AAK1: variants seen among roughly 807,000 people sequenced by gnomAD.
AAK1 encodes AP2 associated kinase 1, also known as AP2-associated protein kinase 1.
In AAK1, 37 loss-of-function variants were observed where a neutral mutation model predicts 116.0. That is an observed-to-expected ratio of 0.32 (90% CI 0.25 to 0.42). AAK1 has a LOEUF of 0.42. AAK1 is among the 10% of genes least tolerant of loss of function. The pLI is 1.00. For synonymous variants in AAK1, 458 were observed against 439.9 expected, an observed-to-expected ratio of 1.04 and a Z score of -0.51; for missense variants, 919 against 1,170.6, an observed-to-expected ratio of 0.79 and a Z score of 3.14.
rs1178719523 is a variant in AAK1 at position 69,474,914 on chromosome 2, A to T, written c.*955T>A. 3 of 985,572 alleles carry T rather than the reference A, an allele frequency of 3.0e-6. No individual in the cohort carries two copies. The African/African-American group carries it at 5.2e-5, about 17-fold the overall frequency. 61.1% of individuals were successfully genotyped at this position (985,572 alleles called of 1,614,324 possible). On this transcript the variant is annotated 3_prime_UTR_variant, in exon 22 of 22. Coordinates refer to ENST00000409085, the MANE Select transcript of AAK1 (RefSeq NM_014911.5). ...CAATTTACAATATTTGATTCAAAAT[A>T]AAAATCACAAGAAAAATACATCTGT...
chr2:69,502,025 TAAA>T (rs1274104203), intron 16 of AAK1, among the ~76,000 whole-genome samples: 1 of 151,734 alleles, frequency 6.6e-6, no homozygotes, highest in Non-Finnish European at 1.5e-5. Context: ...AGGTAAAGAA[TAAA>T]AAAGAAAACA....
In AAK1 at chr2:69,458,984, G is replaced by A. The variant is rs1674277328; in HGVS notation, c.*16885C>T. On this transcript the variant is annotated 3_prime_UTR_variant, in exon 22 of 22. Coordinates refer to ENST00000409085, the MANE Select transcript of AAK1 (RefSeq NM_014911.5). ...TGATTTCAAGAACATTGTCAAAACT[G>A]GGGTACACATCCTTCTATTAGAAAT... The A allele has an allele frequency of 6.6e-6, 1 of 152,168 alleles. No homozygotes were observed. Among genetic ancestry groups the A allele is most frequent in the African/African-American group, 2.4e-5 (1 of 41,418 alleles). 9.4% of individuals were successfully genotyped at this position (152,168 alleles called of 1,614,324 possible).
intron 2 of AAK1, among the ~76,000 whole-genome samples, chr2:69,568,745 G>A (rs1048310744): frequency 6.6e-5 from 10 of 152,124 alleles, no homozygotes; most frequent in Non-Finnish European, 1.3e-4. Flanking sequence ...TCTGAAAGAT[G>A]GGCTCTCATG....
At chr2:69,588,767 G>C (rs1006776758) in intron 2 of AAK1, among the ~76,000 whole-genome samples, 6 of 151,584 alleles carry the variant, frequency 4.0e-5, no homozygotes, top group Non-Finnish European at 7.4e-5. Context: ...GAGTTCCTCT[G>C]CATTATTTAT....
intron 19 of AAK1, among the ~76,000 whole-genome samples, chr2:69,479,706 T>C (rs1245581593): frequency 2.6e-5 from 4 of 152,146 alleles, no homozygotes; most frequent in African/African-American, 9.7e-5. Flanking sequence ...TACATTGAAA[T>C]TGGCCCTTTG....
chr2:69,500,664 A>AATATATATATATATATATAT (rs34635707), intron 16 of AAK1, among the ~76,000 whole-genome samples: 19 of 60,830 alleles, frequency 3.1e-4, no homozygotes, highest in South Asian at 1.2e-3. Context: ...AGTCCCTTAA[A>AATATATATATATATATATAT]ATATATATAT....
intron 2 of AAK1, among the ~76,000 whole-genome samples, chr2:69,587,340 C>CACACACACATATATACACATATGCGTGT (rs1352613070): frequency 1.6e-4 from 24 of 147,444 alleles, no homozygotes; most frequent in Non-Finnish European, 3.0e-4. Context: ...CATATGCGTG[C>CACACACACATATATACACATATGCGTGT]ACACACACAT....
chr2:69,557,304 T>C (rs1030326320), intron 2 of AAK1, among the ~76,000 whole-genome samples: 24 of 146,278 alleles, frequency 1.6e-4, no homozygotes, highest in Non-Finnish European at 3.1e-4. Flanking sequence ...CTATGTACTT[T>C]TTTTTTTTTT....
chr2:69,581,083 G>A (rs1029937439), intron 2 of AAK1, among the ~76,000 whole-genome samples: 28 of 152,006 alleles, frequency 1.8e-4, no homozygotes, highest in African/African-American at 6.5e-4. Flanking sequence ...TCTAGAGCCT[G>A]CTGAGAGGAC....
At chr2:69,498,423 G>A (rs1236381572) in intron 16 of AAK1, among the ~76,000 whole-genome samples, 1 of 151,682 alleles carries the variant, frequency 6.6e-6, no homozygotes, top group Non-Finnish European at 1.5e-5. Context: ...GGGTCTACTG[G>A]GCAGCTGTGA....
chr2:69,539,326 G>C (rs190671993), intron 5 of AAK1, among the ~76,000 whole-genome samples: 1 of 152,314 alleles, frequency 6.6e-6, no homozygotes. Flanking sequence ...CACAGCACTT[G>C]TAATTCCGTC....
chr2:69,474,448 G>A lies in AAK1; in HGVS notation c.*1421C>T. The A allele has an allele frequency of 1.0e-6, 1 of 985,660 alleles. No individual in the cohort carries two copies. The highest frequency in any genetic ancestry group is 1.2e-6 in the Non-Finnish European group (1 of 829,916). 61.1% of individuals were successfully genotyped at this position (985,660 alleles called of 1,614,324 possible). On this transcript the variant is annotated 3_prime_UTR_variant, in exon 22 of 22. Transcript: ENST00000409085. ...ATGAGTAAGTACATATAGAGAGGGT[G>A]ACCATGAGGCATGTTGTCATGTTAG... is the stretch of plus-strand genomic sequence containing the variant.
At position 69,505,635 on chromosome 2, in the gene AAK1, A is replaced by G. The variant is rs1354271783; in HGVS notation, c.2203T>C (p.Leu735=). 5 of 1,613,646 alleles carry G rather than the reference A, an allele frequency of 3.1e-6. No homozygotes were observed. The East Asian group carries it at 1.1e-4, about 36-fold the overall frequency. Reference sequence around the variant, plus strand: ...TGGGTTGATTGAAAGCCTGGGATCAAACTCTCAGCTGAGCCTCCAAGCTTC... The same window carrying G: ...TGGGTTGATTGAAAGCCTGGGATCAGACTCTCAGCTGAGCCTCCAAGCTTC... ...PEKLGGSAES[L]IPGFQSTQGD... Residue 735 remains leucine, a synonymous_variant, in exon 16 of 22, where the codon TTG becomes CTG. Coordinates refer to ENST00000409085, the MANE Select transcript of AAK1 (RefSeq NM_014911.5).
chr2:69,489,590 C>T (rs907444306), intron 17 of AAK1, among the ~76,000 whole-genome samples: 1 of 152,186 alleles, frequency 6.6e-6, no homozygotes, highest in East Asian at 1.9e-4. Context: ...ATGGAAGGGC[C>T]GAATACCAGC....
intron 16 of AAK1, among the ~76,000 whole-genome samples, chr2:69,502,787 A>G (rs1244836334): frequency 6.6e-6 from 1 of 152,242 alleles, no homozygotes; most frequent in Non-Finnish European, 1.5e-5. Context: ...TGTATAAAAA[A>G]CCTTAAAATA....
intron 2 of AAK1, among the ~76,000 whole-genome samples, chr2:69,619,508 G>C (rs1674491416): frequency 6.6e-6 from 1 of 152,084 alleles, no homozygotes; most frequent in African/African-American, 2.4e-5. Context: ...TACTCTATGA[G>C]AGCCATGGTT....
chr2:69,636,734 C>T (rs753120936), intron 2 of AAK1, among the ~76,000 whole-genome samples: 13 of 150,914 alleles, frequency 8.6e-5, no homozygotes, highest in African/African-American at 2.7e-4. Flanking sequence ...GAGACTCACT[C>T]TGTCACCCAG....
At chr2:69,564,060 C>T (rs754787411) in intron 2 of AAK1, among the ~76,000 whole-genome samples, 16 of 151,932 alleles carry the variant, frequency 1.1e-4, no homozygotes, top group Non-Finnish European at 1.8e-4. Context: ...GGTGTGGTGG[C>T]GCATGCCTGT....
At chr2:69,564,826 A>T (rs1390382830) in intron 2 of AAK1, among the ~76,000 whole-genome samples, 1 of 152,068 alleles carries the variant, frequency 6.6e-6, no homozygotes, top group East Asian at 1.9e-4. Flanking sequence ...CTGTGCACCA[A>T]CTCACAATAT....
Sources: allele counts gnomAD v4.1 joint callset (sites outside exome capture counted in the v4.1 genomes callset), GRCh38; gene constraint gnomAD v4.1.1; transcripts MANE v1.5; gene names NCBI Gene and HGNC (gene_info 2026-07-23, HGNC 2026-07-21).